Variants in AQP7 observed in about 807,000 individuals in gnomAD.
AQP7 encodes the protein aquaporin 7.
Under a neutral mutation model 26.1 loss-of-function variants are expected in AQP7, and 22 were observed. The observed-to-expected ratio is 0.84, with a 90% CI of 0.60 to 1.20. The LOEUF is 1.20. Ranked by LOEUF, AQP7 falls within the 50% of genes most tolerant of loss-of-function variation. The pLI is 0.00. For synonymous variants in AQP7, 167 were observed against 181.7 expected (o/e 0.92, Z 0.65); for missense variants, 412 against 457.5 (o/e 0.90, Z 0.91).
At chr9:33,398,675 T>C (rs1826025864) in intron 2 of AQP7, among the ~76,000 whole-genome samples, 1 of 152,162 alleles carries the variant, frequency 6.6e-6, no homozygotes, top group South Asian at 2.1e-4. Context: ...TTTCTGGGCA[T>C]GTTGAGTGTG....
At chr9:33,399,206 A>G (rs1826069376) in intron 2 of AQP7, among the ~76,000 whole-genome samples, 1 of 151,642 alleles carries the variant, frequency 6.6e-6, no homozygotes, top group Admixed American at 6.6e-5. Flanking sequence ...CCAGCTATTA[A>G]CTCATTTAAT....
chr9:33,385,464 C>T, intron 7 of AQP7, 174 bp from the exon 8 acceptor site: 3 of 983,702 alleles, frequency 3.0e-6, no homozygotes, highest in Non-Finnish European at 4.5e-6. Flanking sequence ...CGTTGACACT[C>T]AGTGCAGGTG....
Position 33,395,093 on chromosome 9 carries a change from G to A in AQP7, c.129C>T (p.Ser43=). 8.1e-6 allele frequency: 13 copies of A among 1,612,874 alleles called. No homozygotes were observed. The highest frequency in any genetic ancestry group is 1.0e-5 in the Non-Finnish European group (12 of 1,178,996). Residue 43 remains serine, a synonymous_variant, in exon 3 of 8, where the codon AGC becomes AGT. Coordinates refer to ENST00000297988, the MANE Select transcript of AQP7 (RefSeq NM_001170.3). ...ACCCACTCACCATCATGACATATGT[G>A]CTCATGAACTCGGCCAGGAACTCTC... ...MVREFLAEFM[S]TYVMMVFGLG... is the part of the protein sequence containing the mutation.
At chr9:33,399,477 A>G (rs940233631) in intron 2 of AQP7, among the ~76,000 whole-genome samples, 12 of 151,874 alleles carry the variant, frequency 7.9e-5, no homozygotes, top group African/African-American at 2.4e-4. Context: ...AGGCACCTGT[A>G]ATACCAGCTG....
intron 2 of AQP7, among the ~76,000 whole-genome samples, chr9:33,399,488 G>T (rs568643110): frequency 2.6e-5 from 4 of 151,832 alleles, no homozygotes; most frequent in African/African-American, 9.7e-5. Context: ...ATACCAGCTG[G>T]GGGGGGAGGG....
chr9:33,385,411 C>T, intron 7 of AQP7, 121 bp from the exon 8 acceptor site: 1 of 1,219,118 alleles, frequency 8.2e-7, no homozygotes, highest in South Asian at 1.5e-5. Context: ...GGAAACACCC[C>T]CAACCCAGGG....
chr9:33,386,848 C>T (rs78416008), intron 4 of AQP7, 121 bp downstream of exon 4: 69 of 1,445,338 alleles, frequency 4.8e-5, no homozygotes, highest in Admixed American at 2.4e-4. Flanking sequence ...GACTTCCTCC[C>T]GCCCGGTGGC....
Position 33,393,026 on chromosome 9 carries a change from G to A in AQP7, c.144+2052C>T, listed in dbSNP as rs1351167300. ...GCAGATCACCTGAATTCGGGAGTTCGAAACCAGCCTGGCCAACATGGTGAA... is the reference window on the plus strand; with the variant it reads ...GCAGATCACCTGAATTCGGGAGTTCAAAACCAGCCTGGCCAACATGGTGAA... On this transcript the variant is annotated intron_variant, in intron 3 of 7. Transcript: ENST00000297988. 1.1e-4 allele frequency among the ~76,000 whole-genome samples: 16 copies of A among 152,158 alleles called. 1 individual carries two copies. Among genetic ancestry groups the A allele is most frequent in the Admixed American group, 9.8e-4 (15 of 15,276 alleles).
intron 3 of AQP7, among the ~76,000 whole-genome samples, chr9:33,387,639 C>G (rs548558975): frequency 6.6e-6 from 1 of 152,104 alleles, no homozygotes; most frequent in Admixed American, 6.5e-5. Context: ...GCGGCATTCC[C>G]AAGCTGCTGC....
chr9:33,390,067 G>C (rs1825244599), intron 3 of AQP7, among the ~76,000 whole-genome samples: 2 of 151,276 alleles, frequency 1.3e-5, no homozygotes, highest in South Asian at 4.2e-4. Context: ...AAAAAGAGTT[G>C]AAAGACACCA....
At chr9:33,387,535 A>C (rs2380981) in intron 3 of AQP7, among the ~76,000 whole-genome samples, 5 of 150,178 alleles carry the variant, frequency 3.3e-5, no homozygotes, top group Non-Finnish European at 6.0e-5. Context: ...TCCCTGCACA[A>C]ACACACACAC....
At chr9:33,401,698 T>C (rs2118889741) in intron 1 of AQP7, 1 of 241,150 alleles carries the variant, frequency 4.1e-6, no homozygotes, top group Non-Finnish European at 8.4e-6. Flanking sequence ...CATGCACGCA[T>C]GCACACACAC....
chr9:33,397,314 G>C (rs1381678689), intron 2 of AQP7, among the ~76,000 whole-genome samples: 1 of 151,946 alleles, frequency 6.6e-6, no homozygotes, highest in South Asian at 2.1e-4. Context: ...TTGGCTCCCT[G>C]CTCTGTCTAC....
rs943826358 is a variant in AQP7, at chr9:33,384,803, C to T, written c.*202G>A. 2.1e-5 allele frequency: 13 copies of T among 612,344 alleles called. 1 individual carries two copies. The Admixed American group carries it at 3.5e-4, about 16-fold the overall frequency. The allele number at this position is 612,344 out of a possible 1,614,324, so 37.9% of individuals were successfully genotyped here. ...GCGCAGGTCATCTCTTCCCCATTCT[C>T]CCCCTGGGGCACCCCAGTTCCCAGG... is the stretch of plus-strand genomic sequence containing the variant. On this transcript the variant is annotated 3_prime_UTR_variant, in exon 8 of 8. Coordinates refer to ENST00000297988, the MANE Select transcript of AQP7 (RefSeq NM_001170.3).
At chr9:33,396,036 A>C (rs955970217) in intron 2 of AQP7, among the ~76,000 whole-genome samples, 1 of 152,168 alleles carries the variant, frequency 6.6e-6, no homozygotes, top group Non-Finnish European at 1.5e-5. Context: ...GCACGGTTAG[A>C]TGGAAAGGTA....
chr9:33,386,092 C>T lies in AQP7; in HGVS notation c.510G>A (p.Arg170=), dbSNP rs1173424209. 1.2e-5 allele frequency: 19 copies of T among 1,613,438 alleles called. No individual in the cohort carries two copies. The highest frequency in any genetic ancestry group is 1.4e-5 in the Non-Finnish European group (17 of 1,179,850). The change falls in exon 6 of 8, where the codon CGG becomes CGA. Residue 170 remains arginine (R), a synonymous_variant. Coordinates refer to ENST00000297988, the MANE Select transcript of AQP7 (RefSeq NM_001170.3). ...GACCACTGACCTCATTCAGGAAGCC[C>T]CGCCACAATGTCATGTGATCAGGAA... ...TYLPDHMTLW[R]GFLNEAWLTG...
intron 4 of AQP7, among the ~76,000 whole-genome samples, 182 bp downstream of exon 4, chr9:33,386,787 G>C (rs556916660): frequency 6.6e-6 from 1 of 152,298 alleles, no homozygotes; most frequent in East Asian, 1.9e-4. Context: ...TAGGTCGGGG[G>C]GCCCAGGAAG....
At chr9:33,399,122 G>A (rs906636007) in intron 2 of AQP7, among the ~76,000 whole-genome samples, 2 of 151,818 alleles carry the variant, frequency 1.3e-5, no homozygotes, top group Admixed American at 6.6e-5. Context: ...TTTCAGGCAT[G>A]AGCCACCACG....
rs1323170599 is a variant in AQP7 at position 33,384,103 on chromosome 9, A to G, written c.*902T>C. On this transcript the variant is annotated 3_prime_UTR_variant, in exon 8 of 8. Coordinates refer to ENST00000297988, the MANE Select transcript of AQP7 (RefSeq NM_001170.3). ...GATGCTGCCTTCTGAGCCCCAGGCA[A>G]CAGAGTGATTCCTGCCTGGCCCCAG... The G allele has an allele frequency of 6.6e-6, 1 of 152,244 alleles. No homozygotes were observed. Among genetic ancestry groups the G allele is most frequent in the Non-Finnish European group, 1.5e-5 (1 of 68,044 alleles). 9.4% of individuals were successfully genotyped at this position (152,244 alleles called of 1,614,324 possible).
Sources: gnomAD v4.1 joint callset for allele counts (sites outside exome capture counted in the v4.1 genomes callset) on GRCh38, gnomAD v4.1.1 for gene constraint, MANE v1.5 for transcripts, NCBI Gene and HGNC (gene_info 2026-07-23, HGNC 2026-07-21) for gene names.